PPP1R9A: variants seen among roughly 807,000 people sequenced by gnomAD.
The protein encoded by PPP1R9A is neurabin-1.
Under a neutral mutation model 141.9 loss-of-function variants are expected in PPP1R9A, and 59 were observed. That is an observed-to-expected ratio of 0.42 (90% CI 0.34 to 0.52). The LOEUF (loss-of-function observed/expected upper bound fraction) is 0.52, where lower values mean the gene tolerates loss of function less well. Ranked by LOEUF, PPP1R9A falls within the 20% of genes least tolerant of loss-of-function variation. The probability of loss-of-function intolerance (pLI) is 0.10; values close to 1 mark genes in which losing one functional copy is unlikely to be tolerated. For missense variants in PPP1R9A, 1,444 were observed against 1,611.9 expected (o/e 0.90, Z 1.78); for synonymous variants, 500 against 569.7 (o/e 0.88, Z 1.74).
At chr7:95,011,974 G>A (rs761282153) in intron 2 of PPP1R9A, among the ~76,000 whole-genome samples, 13 of 152,146 alleles carry the variant, frequency 8.5e-5, no homozygotes, top group Non-Finnish European at 1.5e-4. Flanking sequence ...AGGAAACAGT[G>A]CAGAAAGGTT....
chr7:94,949,907 CTTTTTTTT>C (rs201956798), intron 2 of PPP1R9A, among the ~76,000 whole-genome samples: 1 of 118,084 alleles, frequency 8.5e-6, no homozygotes, highest in East Asian at 2.5e-4. Flanking sequence ...TAAAACAGTT[CTTTTTTTT>C]TTTTTTTTGA....
chr7:95,135,854 C>CTT (rs58872136), intron 4 of PPP1R9A, among the ~76,000 whole-genome samples: 781 of 72,840 alleles, frequency 0.011, 6 homozygotes, highest in Non-Finnish European at 0.013. Flanking sequence ...TTCAGCTTTA[C>CTT]TTTTTTTTTT....
chr7:95,170,614 A>AT (rs1230966894), intron 5 of PPP1R9A, among the ~76,000 whole-genome samples: 1 of 151,574 alleles, frequency 6.6e-6, no homozygotes, highest in Non-Finnish European at 1.5e-5. Flanking sequence ...AAAAATTGGA[A>AT]TTTTATACTC....
At chr7:95,161,714 G>T (rs1830487568) in intron 4 of PPP1R9A, among the ~76,000 whole-genome samples, 153 bp from the exon 5 acceptor site, 1 of 152,130 alleles carries the variant, frequency 6.6e-6, no homozygotes, top group Admixed American at 6.5e-5. Flanking sequence ...CTGATAACAG[G>T]AAGCAGAACT....
intron 2 of PPP1R9A, chr7:95,018,334 G>A (rs940382241): frequency 2.2e-5 from 5 of 225,328 alleles, no homozygotes; most frequent in African/African-American, 9.3e-5. Context: ...GAAGGCTCTC[G>A]TTATCATCTT....
intron 7 of PPP1R9A, among the ~76,000 whole-genome samples, chr7:95,204,843 ACACACACAC>A (rs1353530824): frequency 7.0e-6 from 1 of 143,314 alleles, no homozygotes; most frequent in Non-Finnish European, 1.5e-5. Flanking sequence ...CCTCACAACC[ACACACACAC>A]CACACACACG....
At chr7:95,270,424 T>A (rs555510409) in intron 14 of PPP1R9A, among the ~76,000 whole-genome samples, 1 of 152,264 alleles carries the variant, frequency 6.6e-6, no homozygotes, top group South Asian at 2.1e-4. Flanking sequence ...AGTTGGCGAT[T>A]TTCTGAATTG....
chr7:94,996,121 T>C (rs1364906937), intron 2 of PPP1R9A, among the ~76,000 whole-genome samples: 1 of 152,108 alleles, frequency 6.6e-6, no homozygotes, highest in Non-Finnish European at 1.5e-5. Context: ...TGGATATATC[T>C]TGGGGAAAAA....
At chr7:95,057,223 G>GTAT (rs747077553) in intron 2 of PPP1R9A, among the ~76,000 whole-genome samples, 42 of 152,042 alleles carry the variant, frequency 2.8e-4, no homozygotes, top group Non-Finnish European at 4.0e-4. Flanking sequence ...TTCAAATACT[G>GTAT]TATCATTCAA....
At chr7:95,255,593 G>C (rs1314400748) in intron 12 of PPP1R9A, among the ~76,000 whole-genome samples, 3 of 152,114 alleles carry the variant, frequency 2.0e-5, no homozygotes, top group African/African-American at 7.2e-5. Flanking sequence ...AAAGTACTAG[G>C]TCCTGCCGAT....
chr7:95,224,947 C>T (rs540735688), intron 7 of PPP1R9A, among the ~76,000 whole-genome samples: 4 of 151,984 alleles, frequency 2.6e-5, no homozygotes, highest in African/African-American at 9.6e-5. Context: ...TTTTTTTAAC[C>T]CTGTCAGTGA....
chr7:94,959,208 A>G (rs975478215), intron 2 of PPP1R9A, among the ~76,000 whole-genome samples: 12 of 151,880 alleles, frequency 7.9e-5, no homozygotes, highest in African/African-American at 2.7e-4. Context: ...GATTCTATGA[A>G]TTCAGATTCT....
At chr7:95,160,941 G>A (rs1830388553) in intron 4 of PPP1R9A, among the ~76,000 whole-genome samples, 1 of 152,182 alleles carries the variant, frequency 6.6e-6, no homozygotes, top group Non-Finnish European at 1.5e-5. Context: ...GGACATTTAG[G>A]TTGATTCCAT....
intron 2 of PPP1R9A, among the ~76,000 whole-genome samples, chr7:94,996,728 A>AT (rs1802220356): frequency 6.8e-6 from 1 of 146,388 alleles, no homozygotes; most frequent in Non-Finnish European, 1.5e-5. Flanking sequence ...TCACTCTTCC[A>AT]TTTTTGTTAG....
intron 5 of PPP1R9A, among the ~76,000 whole-genome samples, chr7:95,164,016 G>A (rs770175275): frequency 1.3e-5 from 2 of 152,206 alleles, no homozygotes; most frequent in Non-Finnish European, 2.9e-5. Flanking sequence ...AGGATCACAG[G>A]TGTGAGCCAC....
At position 95,254,547 on chromosome 7, in the gene PPP1R9A, G is replaced by A. The variant is rs546063880; in HGVS notation, c.2665+2417G>A. ...TCCTAGATGCAAGTGTTATCCTCCC[G>A]ACCTTCTACTGACTGTCCAATTCTG... is the stretch of plus-strand genomic sequence containing the variant. On this transcript the variant is annotated intron_variant, in intron 12 of 19. Coordinates refer to ENST00000433360, the MANE Select transcript of PPP1R9A (RefSeq NM_001166160.2). Among the ~76,000 whole-genome samples the A allele has an allele frequency of 1.2e-4, 19 of 152,246 alleles. No homozygotes were observed. The South Asian group carries it at 1.5e-3, about 12-fold the overall frequency.
chr7:95,285,600 G>A (rs1805146767), intron 17 of PPP1R9A, among the ~76,000 whole-genome samples: 1 of 152,220 alleles, frequency 6.6e-6, no homozygotes, highest in Non-Finnish European at 1.5e-5. Context: ...TCTGTGCTGT[G>A]TGGCAGCCTC....
Position 95,128,874 on chromosome 7 carries a change from G to A in PPP1R9A, c.1649+8042G>A, listed in dbSNP as rs543682626. 4.7e-4 allele frequency among the ~76,000 whole-genome samples: 71 copies of A among 152,208 alleles called. 1 individual carries two copies. Among genetic ancestry groups the A allele is most frequent in the African/African-American group, 1.7e-3 (70 of 41,550 alleles). ...CTTACAGGCATGAGCCATCATGCCC[G>A]GCCTTTTGTTGCAATTTCTTTTGAA... On this transcript the variant is annotated intron_variant, in intron 4 of 19. Coordinates refer to ENST00000433360, the MANE Select transcript of PPP1R9A (RefSeq NM_001166160.2).
intron 7 of PPP1R9A, among the ~76,000 whole-genome samples, chr7:95,218,902 T>C (rs1452773525): frequency 6.6e-6 from 1 of 152,236 alleles, no homozygotes. Flanking sequence ...AGCACACTGA[T>C]GGGTCTTGAC....
Sources: gnomAD v4.1 joint callset for allele counts (sites outside exome capture counted in the v4.1 genomes callset) on GRCh38, gnomAD v4.1.1 for gene constraint, MANE v1.5 for transcripts, NCBI Gene and HGNC (gene_info 2026-07-23, HGNC 2026-07-21) for gene names.